AGAP4: variants seen among roughly 807,000 people sequenced by gnomAD.
AGAP4 encodes the protein ArfGAP with GTPase domain, ankyrin repeat and PH domain 4.
AGAP4 carries 13 observed loss-of-function variants against 60.7 expected under a neutral mutation model. The observed-to-expected ratio is 0.21, with a 90% confidence interval of 0.14 to 0.34. The LOEUF (loss-of-function observed/expected upper bound fraction) is 0.34. Ranked by LOEUF, AGAP4 falls within the 10% of genes least tolerant of loss-of-function variation. The probability of loss-of-function intolerance (pLI) is 1.00; values close to 1 mark genes in which losing one functional copy is unlikely to be tolerated. For missense variants in AGAP4, 169 were observed against 884.0 expected (o/e 0.19, Z 10.26); for synonymous variants, 70 against 339.0 (o/e 0.21, Z 8.72).
intron 4 of AGAP4, among the ~76,000 whole-genome samples, chr10:45,840,143 G>C (rs2058893861): frequency 6.7e-6 from 1 of 148,262 alleles, no homozygotes; most frequent in South Asian, 2.2e-4. Flanking sequence ...GAACCTTAGA[G>C]AGAGAGATTC....
intron 4 of AGAP4, among the ~76,000 whole-genome samples, chr10:45,834,844 G>A (rs1447843826): frequency 2.1e-5 from 3 of 146,076 alleles, no homozygotes; most frequent in African/African-American, 8.2e-5. Context: ...CGCGATCTCG[G>A]CTCACTGCAA....
At chr10:45,836,219 A>C (rs2058815300) in intron 4 of AGAP4, among the ~76,000 whole-genome samples, 1 of 150,974 alleles carries the variant, frequency 6.6e-6, no homozygotes, top group Non-Finnish European at 1.5e-5. Flanking sequence ...GTCTATTCCC[A>C]AGTATTTTAT....
intron 3 of AGAP4, among the ~76,000 whole-genome samples, chr10:45,843,915 C>A (rs782126926): frequency 6.7e-6 from 1 of 149,836 alleles, no homozygotes; most frequent in Non-Finnish European, 1.5e-5. Context: ...TGATGATAAA[C>A]GACTATGTTT....
intron 4 of AGAP4, among the ~76,000 whole-genome samples, chr10:45,838,062 G>C (rs2058852055): frequency 6.6e-6 from 1 of 150,410 alleles, no homozygotes; most frequent in South Asian, 2.1e-4. Flanking sequence ...AGTGGATAAA[G>C]AAACCGTGAT....
At chr10:45,848,509 C>T (rs1259781555), upstream of AGAP4, among the ~76,000 whole-genome samples, 1 of 150,416 alleles carries the variant, frequency 6.6e-6, no homozygotes, top group Non-Finnish European at 1.5e-5. Flanking sequence ...CTGACAGTGT[C>T]CCCACTGTGC....
chr10:45,834,694 A>AG (rs2058786980), intron 4 of AGAP4, among the ~76,000 whole-genome samples: 1 of 125,810 alleles, frequency 7.9e-6, no homozygotes, highest in Non-Finnish European at 1.6e-5. Context: ...AAAAAAAAAA[A>AG]AAAAGAAAAG....
rs781973053 is a variant in AGAP4, at chr10:45,825,924, C to T, written c.2052G>A (p.Lys684=). The change falls in exon 8 of 8, where the codon AAG becomes AAA. Residue 684 remains lysine (K), a synonymous_variant. Transcript: ENST00000616763. The part of the protein sequence containing the change: ...NVLLQYGCPD[K]CV ...TCAAATAAAACAGATACTACACACA[C>T]TTGTCGGGGCAGCCGTACTGCAGAA... 7.6e-7 allele frequency: 1 copy of T among 1,307,962 alleles called. No individual in the cohort carries two copies. Among genetic ancestry groups the T allele is most frequent in the Non-Finnish European group, 1.0e-6 (1 of 969,396 alleles). The allele number at this position is 1,307,962 out of a possible 1,614,324, so 81.0% of individuals were successfully genotyped here.
intron 6 of AGAP4, among the ~76,000 whole-genome samples, chr10:45,828,749 T>C (rs1590014623): frequency 3.6e-5 from 2 of 56,122 alleles, no homozygotes; most frequent in South Asian, 9.8e-4. Flanking sequence ...CAGGCTGGAG[T>C]GCAATGGTGT....
At chr10:45,854,043 A>G (rs1328370988), upstream of AGAP4, 138 of 390,892 alleles carry the variant, frequency 3.5e-4, no homozygotes, top group Admixed American at 2.0e-3. Flanking sequence ...TTATTATCAC[A>G]TATCAGCAGG....
intron 4 of AGAP4, among the ~76,000 whole-genome samples, chr10:45,834,406 T>G (rs1179679187): frequency 7.0e-6 from 1 of 142,336 alleles, no homozygotes; most frequent in Non-Finnish European, 1.5e-5. Flanking sequence ...CGGGGCACGG[T>G]GGCTCACACC....
At chr10:45,842,140 TAAGCATCTTG>T (rs2058929399) in intron 3 of AGAP4, among the ~76,000 whole-genome samples, 1 of 147,824 alleles carries the variant, frequency 6.8e-6, no homozygotes, top group African/African-American at 2.5e-5. Context: ...AGAATCCCTG[TAAGCATCTTG>T]AACCACACTT....
intron 4 of AGAP4, among the ~76,000 whole-genome samples, chr10:45,838,806 TA>T (rs1453475110): frequency 6.6e-6 from 1 of 151,750 alleles, no homozygotes; most frequent in Non-Finnish European, 1.5e-5. Context: ...GAACAAATCT[TA>T]ATTAACTTAA....
upstream of AGAP4, among the ~76,000 whole-genome samples, chr10:45,852,430 T>C (rs2059096578): frequency 6.9e-6 from 1 of 144,382 alleles, no homozygotes; most frequent in African/African-American, 2.6e-5. Flanking sequence ...AAGTGAAAGA[T>C]GGGTTTAATT....
chr10:45,830,606 C>T (rs2058716494), intron 6 of AGAP4, among the ~76,000 whole-genome samples: 1 of 119,832 alleles, frequency 8.3e-6, no homozygotes, highest in Non-Finnish European at 1.8e-5. Flanking sequence ...CTGCCTCAGC[C>T]TCCAGAATAG....
At position 45,846,722 on chromosome 10, in the gene AGAP4, G is replaced by C. The variant is rs1554899525; in HGVS notation, c.257C>G (p.Ala86Gly). Residue 86 changes from alanine to glycine, a missense_variant, in exon 2 of 8, where the codon GCA (alanine) becomes GGA (glycine). Transcript: ENST00000616763. Reference sequence around the variant, plus strand: ...AGAGTTCCTCTGGAATATTGTGCTTGCCTCTGGATTGGCAGAAAGGTTAAA... The same window carrying C: ...AGAGTTCCTCTGGAATATTGTGCTTCCCTCTGGATTGGCAGAAAGGTTAAA... ...LEFNLSANPE[A>G]STIFQRNSQT... is the part of the protein sequence containing the mutation. 12 of 1,308,174 alleles carry C rather than the reference G, an allele frequency of 9.2e-6. No individual in the cohort carries two copies. The East Asian group carries it at 2.5e-4, about 27-fold the overall frequency. The allele number at this position is 1,308,174 out of a possible 1,614,324, so 81.0% of individuals were successfully genotyped here.
chr10:45,843,692 G>A (rs1291476395), intron 3 of AGAP4, among the ~76,000 whole-genome samples: 3 of 138,068 alleles, frequency 2.2e-5, no homozygotes, highest in African/African-American at 5.6e-5. Flanking sequence ...AAGTCAACTG[G>A]AAAACTTGGC....
Position 45,826,816 on chromosome 10 carries a change from G to T in AGAP4, c.1160C>A (p.Pro387His), listed in dbSNP as rs2058655827. 3 of 1,518,818 alleles carry T rather than the reference G, an allele frequency of 2.0e-6. 1 individual carries two copies. Among genetic ancestry groups the T allele is most frequent in the Non-Finnish European group, 2.7e-6 (3 of 1,113,208 alleles). 94.1% of individuals were successfully genotyped at this position (1,518,818 alleles called of 1,614,324 possible). A position where few individuals can be genotyped will look rare whatever the true frequency, so the allele number is the denominator to read the frequency against. The change falls in exon 8 of 8, where the codon CCC (proline) becomes CAC (histidine). Residue 387 changes from proline to histidine, a missense_variant. Physicochemically the swap from Pro to His is moderately conservative, Grantham distance 77. Coordinates refer to ENST00000616763, the MANE Select transcript of AGAP4 (RefSeq NM_001276343.3). Reference protein sequence around the residue: ...FSPSISSTTSPKLNPPPSPHA... With the variant: ...FSPSISSTTSHKLNPPPSPHA... ...AGGAGAGGGGGGCGGGTTGAGCTTGGGGCTGGTGGTGCTGGAGATACTGGG... is the reference window on the plus strand; with the variant it reads ...AGGAGAGGGGGGCGGGTTGAGCTTGTGGCTGGTGGTGCTGGAGATACTGGG...
rs1403053744 is a variant in AGAP4, at chr10:45,830,463, C to T, written c.533+931G>A. Among the ~76,000 whole-genome samples the T allele has an allele frequency of 2.3e-4, 25 of 107,176 alleles. No individual in the cohort carries two copies. The East Asian group carries it at 3.0e-3, about 13-fold the overall frequency. The allele number at this position is 107,176 out of a possible 152,430, so 70.3% of individuals were successfully genotyped here. ...CTGGGATTACAGGTGTGAACCACTG[C>T]GCCCCACCAGCTTATTGCTTTTTTT... On this transcript the variant is annotated intron_variant, in intron 6 of 7. Coordinates refer to ENST00000616763, the MANE Select transcript of AGAP4 (RefSeq NM_001276343.3).
intron 6 of AGAP4, among the ~76,000 whole-genome samples, chr10:45,829,322 C>A (rs1489121936): frequency 8.1e-6 from 1 of 123,586 alleles, no homozygotes; most frequent in Admixed American, 7.7e-5. Flanking sequence ...GGAAAGTTAA[C>A]CAGAAGCGCT....
Sources: allele counts gnomAD v4.1 joint callset (sites outside exome capture counted in the v4.1 genomes callset), GRCh38; gene constraint gnomAD v4.1.1; transcripts MANE v1.5; gene names NCBI Gene and HGNC (gene_info 2026-07-23, HGNC 2026-07-21).